PDPK1: variants seen among roughly 807,000 people sequenced by gnomAD.
PDPK1 encodes the protein 3-phosphoinositide-dependent protein kinase 1.
In PDPK1, 7 loss-of-function variants were observed where a neutral mutation model predicts 39.8. The ratio of observed to expected loss-of-function variants is 0.18; its 90% CI spans 0.10 to 0.33. The LOEUF (loss-of-function observed/expected upper bound fraction) is 0.33. PDPK1 is among the 10% of genes least tolerant of loss of function. The pLI is 1.00. For missense variants in PDPK1, 182 were observed against 384.7 expected (o/e 0.47, Z 4.41); for synonymous variants, 118 against 159.1 (o/e 0.74, Z 1.95).
In PDPK1 at chr16:2,593,371, C is replaced by T. The variant is rs575202280; in HGVS notation, c.1344-2422C>T. On this transcript the variant is annotated intron_variant, in intron 11 of 13. Transcript: ENST00000342085. The surrounding 1 kb of genome is among the most constrained non-coding windows in gnomAD (Gnocchi z 4.2). ...GCGGCTGTATCTGGAAGTCCTTTCCCGCCCCAGCTGTGGTCCTGGTGGTTT... is the reference window on the plus strand; with the variant it reads ...GCGGCTGTATCTGGAAGTCCTTTCCTGCCCCAGCTGTGGTCCTGGTGGTTT... 6.8e-4 allele frequency: 227 copies of T among 332,240 alleles called. No individual in the cohort carries two copies. Among genetic ancestry groups the T allele is most frequent in the African/African-American group, 4.5e-3 (203 of 45,506 alleles). 20.6% of individuals were successfully genotyped at this position (332,240 alleles called of 1,614,324 possible). A position where few individuals can be genotyped will look rare whatever the true frequency, so the allele number is the denominator to read the frequency against.
intron 11 of PDPK1, among the ~76,000 whole-genome samples, chr16:2,588,225 G>T (rs2066917175): frequency 6.6e-6 from 1 of 152,252 alleles, no homozygotes; most frequent in African/African-American, 2.4e-5. Context: ...TCTACAGCTA[G>T]GGGCTCTGAA....
At chr16:2,558,012 G>T (rs1430604197) in intron 2 of PDPK1, 49 bp downstream of exon 2, 7 of 1,600,112 alleles carry the variant, frequency 4.4e-6, no homozygotes, top group Non-Finnish European at 6.0e-6. Flanking sequence ...TTTCCTTGGG[G>T]AGGCTCACCT....
chr16:2,596,072 C>T (rs1321954996), intron 12 of PDPK1, among the ~76,000 whole-genome samples: 1 of 152,254 alleles, frequency 6.6e-6, no homozygotes, highest in African/African-American at 2.4e-5. Flanking sequence ...ACCGCCCACA[C>T]TCCTGGGAGC....
At chr16:2,538,468 A>T in intron 1 of PDPK1, 1 of 466,690 alleles carries the variant, frequency 2.1e-6, no homozygotes, top group South Asian at 1.6e-5. Context: ...CCTGGAGCCG[A>T]GCCTCCAGGG....
intron 2 of PDPK1, 35 bp downstream of exon 2, chr16:2,557,998 G>C: frequency 6.2e-7 from 1 of 1,607,264 alleles, no homozygotes; most frequent in Non-Finnish European, 8.5e-7. Flanking sequence ...TCAAACGTAC[G>C]TGATTTCCTT....
chr16:2,577,068 C>T, intron 6 of PDPK1: 1 of 426,016 alleles, frequency 2.3e-6, no homozygotes. Flanking sequence ...GTTTTTCTGG[C>T]CTGCAACTGT....
Position 2,598,461 on chromosome 16 carries a change from G to C in PDPK1, c.*694G>C, listed in dbSNP as rs1455519128. On this transcript the variant is annotated 3_prime_UTR_variant, in exon 14 of 14. Transcript: ENST00000342085. ...TGGAGTGGTGCGGGAGCAGGCTGCC[G>C]AGTGGAGGGTGCCATCGAGGGCTCC... is the stretch of plus-strand genomic sequence containing the variant. 9 of 233,612 alleles carry C rather than the reference G, an allele frequency of 3.9e-5. No homozygotes were observed. The highest frequency in any genetic ancestry group is 5.9e-5 in the Non-Finnish European group (7 of 118,384). The allele number at this position is 233,612 out of a possible 1,614,324, so 14.5% of individuals were successfully genotyped here. A position where few individuals can be genotyped will look rare whatever the true frequency, so the allele number is the denominator to read the frequency against.
At chr16:2,595,502 C>T (rs528649548) in intron 11 of PDPK1, among the ~76,000 whole-genome samples, 30 of 152,348 alleles carry the variant, frequency 2.0e-4, no homozygotes, top group South Asian at 6.2e-4. Context: ...TTCTACAGCA[C>T]GGTCCTCCCC....
chr16:2,588,544 T>TC (rs1390683670), intron 11 of PDPK1, among the ~76,000 whole-genome samples: 2 of 152,200 alleles, frequency 1.3e-5, no homozygotes, highest in East Asian at 3.8e-4. Flanking sequence ...CCTGGGGCTG[T>TC]TCTTAGAGGG....
intron 1 of PDPK1, among the ~76,000 whole-genome samples, chr16:2,551,752 C>G (rs999707279): frequency 4.6e-5 from 7 of 150,638 alleles, no homozygotes; most frequent in African/African-American, 1.5e-4. Flanking sequence ...CTGCAACCTC[C>G]GCCTCCTGGG....
At chr16:2,544,474 C>A (rs368962325) in intron 1 of PDPK1, among the ~76,000 whole-genome samples, 1 of 152,180 alleles carries the variant, frequency 6.6e-6, no homozygotes, top group Non-Finnish European at 1.5e-5. Flanking sequence ...ATTTCAAAAC[C>A]GAAGAATAGT....
chr16:2,552,879 T>G, intron 1 of PDPK1, among the ~76,000 whole-genome samples: 4 of 122,652 alleles, frequency 3.3e-5, no homozygotes, highest in African/African-American at 3.8e-5. Context: ...GAGAAGGGGG[T>G]GTGGAAAGAC....
rs1032697746 is a variant in PDPK1 at position 2,597,218 on chromosome 16, T to C, written c.1497T>C (p.Pro499=). 3 of 1,598,010 alleles carry C rather than the reference T, an allele frequency of 1.9e-6. No individual in the cohort carries two copies. In the South Asian group the frequency reaches 3.3e-5, roughly 18 times the overall value. ...ACAAAGTTCTGAAAGGTGAAATTCC[T>C]TGGTCACAAGAACTTCGACCAGAGG... is the stretch of plus-strand genomic sequence containing the variant. ...PVNKVLKGEI[P]WSQELRPEAK... Residue 499 remains proline, a synonymous_variant, in exon 13 of 14, where the codon CCT becomes CCC. Transcript: ENST00000342085. The surrounding 1 kb of genome is among the most constrained non-coding windows in gnomAD (Gnocchi z 6.3).
rs1597061105 is a variant in PDPK1 at position 2,586,399 on chromosome 16, C to T, written c.1126-277C>T. Among the ~76,000 whole-genome samples, 4 of 152,240 alleles carry T rather than the reference C, an allele frequency of 2.6e-5. No individual in the cohort carries two copies. The East Asian group carries it at 5.8e-4, about 22-fold the overall frequency. On this transcript the variant is annotated intron_variant, in intron 10 of 13. Transcript: ENST00000342085. ...TTCACGGGGCCCGCAGGGTAAGGGC[C>T]CAGGTCCCCTCTTCCTGGAGAGGAA...
intron 1 of PDPK1, among the ~76,000 whole-genome samples, chr16:2,546,659 G>A (rs1181169661): frequency 1.3e-5 from 2 of 152,132 alleles, no homozygotes; most frequent in Admixed American, 6.5e-5. Flanking sequence ...ACCTTAAGCT[G>A]CTTTTCCTTC....
Position 2,541,794 on chromosome 16 carries a change from C to T in PDPK1, c.24+3658C>T, listed in dbSNP as rs1436723194. Among the ~76,000 whole-genome samples the T allele has an allele frequency of 1.3e-5, 2 of 152,266 alleles. 1 individual carries two copies. The highest frequency in any genetic ancestry group is 4.2e-4 in the South Asian group (2 of 4,816). On this transcript the variant is annotated intron_variant, in intron 1 of 13. Coordinates refer to ENST00000342085, the MANE Select transcript of PDPK1 (RefSeq NM_002613.5). ...AGCAGAATTGCATTATTCACTTGCTCAGTGTGATACCATGTCCTTTAAAAA... is the reference window on the plus strand; with the variant it reads ...AGCAGAATTGCATTATTCACTTGCTTAGTGTGATACCATGTCCTTTAAAAA...
intron 10 of PDPK1, among the ~76,000 whole-genome samples, chr16:2,585,679 C>T (rs900414622): frequency 2.6e-5 from 4 of 152,332 alleles, no homozygotes; most frequent in Non-Finnish European, 4.4e-5. Flanking sequence ...GTGGAGGGGC[C>T]GGCAGCGTCG....
At chr16:2,584,920 C>T (rs183914740) in intron 10 of PDPK1, among the ~76,000 whole-genome samples, 2 of 152,206 alleles carry the variant, frequency 1.3e-5, no homozygotes, top group African/African-American at 4.8e-5. Flanking sequence ...GCTGCTCCTG[C>T]GTGGTGTTTG....
chr16:2,546,640 G>A (rs1361580740), intron 1 of PDPK1, among the ~76,000 whole-genome samples: 1 of 152,114 alleles, frequency 6.6e-6, no homozygotes, highest in African/African-American at 2.4e-5. Flanking sequence ...TTCCTTAGTG[G>A]CCCTTCTAAC....
Sources: allele counts gnomAD v4.1 joint callset (sites outside exome capture counted in the v4.1 genomes callset), GRCh38; gene constraint gnomAD v4.1.1; non-coding constraint Gnocchi (gnomAD v3.1); transcripts MANE v1.5; gene names NCBI Gene and HGNC (gene_info 2026-07-23, HGNC 2026-07-21).